The following ZNF730 variants were observed in gnomAD, a reference collection of about 807,000 sequenced individuals.
ZNF730 encodes the protein putative zinc finger protein 730.
In ZNF730, 12 loss-of-function variants were observed where a neutral mutation model predicts 12.6. That is an observed-to-expected ratio of 0.95 (90% CI 0.61 to 1.54). ZNF730 has a LOEUF of 1.54. Among genes scored for constraint, ZNF730 ranks in the 40% most tolerant of loss-of-function variants. The probability of loss-of-function intolerance (pLI) is 0.00; values close to 1 mark genes in which losing one functional copy is unlikely to be tolerated. For missense variants in ZNF730, 643 were observed against 583.5 expected (o/e 1.10, Z -1.05); for synonymous variants, 194 against 195.8 (o/e 0.99, Z 0.08).
rs1162199192 is a variant in ZNF730 at position 23,145,805 on chromosome 19, A to C, written c.761A>C (p.Lys254Thr). 1 of 1,591,842 alleles carries C rather than the reference A, an allele frequency of 6.3e-7. No individual in the cohort carries two copies. The change falls in exon 4 of 4, where the codon AAA becomes ACA. Residue 254 changes from lysine to threonine, a missense_variant. By Grantham distance (78) the Lys-to-Thr change is moderately conservative. Transcript: ENST00000597761. ...CATAAGAGAATTCATACTGGAGAAA[A>C]ACCCTACCAATGTGAGAAATGTGGC... ...TTHKRIHTGE[K>T]PYQCEKCGKF...
At chr19:23,110,632 C>A (rs1163831083) in intron 1 of ZNF730, among the ~76,000 whole-genome samples, 1 of 152,126 alleles carries the variant, frequency 6.6e-6, no homozygotes, top group Non-Finnish European at 1.5e-5. Context: ...AATTCTAATG[C>A]AGTTTCTCAA....
At chr19:23,144,479 T>C (rs1029490756) in intron 3 of ZNF730, among the ~76,000 whole-genome samples, 1 of 152,024 alleles carries the variant, frequency 6.6e-6, no homozygotes, top group Non-Finnish European at 1.5e-5. Flanking sequence ...GGTGGACATA[T>C]CACAAGGTCA....
chr19:23,093,279 C>T (rs1025132372), intron 1 of ZNF730, among the ~76,000 whole-genome samples: 2 of 152,182 alleles, frequency 1.3e-5, no homozygotes, highest in East Asian at 1.9e-4. Flanking sequence ...CCCAGCCTGT[C>T]GTTAATTTTT....
At chr19:23,116,721 T>C (rs1970531552), upstream of ZNF730, among the ~76,000 whole-genome samples, 1 of 152,112 alleles carries the variant, frequency 6.6e-6, no homozygotes, top group Non-Finnish European at 1.5e-5. Flanking sequence ...GCGCCCGGTC[T>C]ATGTTCTTTT....
chr19:23,145,540 A>T lies in ZNF730; in HGVS notation c.496A>T (p.Arg166Ter). The change falls in exon 4 of 4, where the codon AGA (arginine) becomes TGA (stop). Residue 166 changes from arginine to a stop codon, truncating the protein, a stop_gained. Transcript: ENST00000597761. LOFTEE classifies it low-confidence loss of function (END_TRUNC). ...KFSNSNRHKI[R>*]HTSKKPFKCK... ...TTCAAATTCAAACAGACATAAGATA[A>T]GACATACTTCGAAGAAACCTTTCAA... 1 of 1,555,578 alleles carries T rather than the reference A, an allele frequency of 6.4e-7. No homozygotes were observed. The highest frequency in any genetic ancestry group is 1.7e-4 in the Middle Eastern group (1 of 5,966).
chr19:23,109,576 A>AT (rs1357214940), intron 1 of ZNF730, among the ~76,000 whole-genome samples: 1 of 151,184 alleles, frequency 6.6e-6, no homozygotes, highest in African/African-American at 2.4e-5. Flanking sequence ...TAATTTTTGT[A>AT]TTTTTAGTAG....
At chr19:23,145,095 C>CT (rs1306502920) in intron 3 of ZNF730, among the ~76,000 whole-genome samples, 176 bp from the exon 4 acceptor site, 1 of 152,078 alleles carries the variant, frequency 6.6e-6, no homozygotes, top group Non-Finnish European at 1.5e-5. Context: ...ACTCAACTTA[C>CT]TTTTTTACAA....
intron 1 of ZNF730, among the ~76,000 whole-genome samples, chr19:23,131,832 CTTAG>C (rs1324019507): frequency 6.6e-6 from 1 of 152,170 alleles, no homozygotes; most frequent in East Asian, 1.9e-4. Context: ...AGAGGCAATG[CTTAG>C]TTAAATGGTT....
chr19:23,087,592 C>T lies in ZNF730; in HGVS notation c.-94+12205C>T, dbSNP rs182880334. Among the ~76,000 whole-genome samples, 552 of 151,354 alleles carry T rather than the reference C, an allele frequency of 3.6e-3. 5 individuals are homozygous for T. Among genetic ancestry groups the T allele is most frequent in the Non-Finnish European group, 5.8e-3 (395 of 67,862 alleles). On this transcript the variant is annotated intron_variant, in intron 1 of 2. Transcript: ENST00000593635. ...GATTTCCTCTTTTTCTATTTGAATG[C>T]CCTTTATTTTTCTTGTCTTTTCTTG...
At chr19:23,137,039 A>C (rs867829068) in intron 3 of ZNF730, among the ~76,000 whole-genome samples, 6 of 152,068 alleles carry the variant, frequency 3.9e-5, no homozygotes, top group Admixed American at 2.0e-4. Flanking sequence ...ACGTGGTGGC[A>C]GGCACCTGTA....
intron 1 of ZNF730, among the ~76,000 whole-genome samples, chr19:23,097,993 A>G (rs536546459): frequency 1.4e-4 from 22 of 152,150 alleles, no homozygotes; most frequent in African/African-American, 5.1e-4. Flanking sequence ...ACAAAGAAAA[A>G]AATAGCCGGG....
chr19:23,094,388 A>G (rs1042043317), intron 1 of ZNF730, among the ~76,000 whole-genome samples: 28 of 142,726 alleles, frequency 2.0e-4, no homozygotes, highest in Admixed American at 6.2e-4. Flanking sequence ...CTATCTATCT[A>G]TCTGTCTATC....
At position 23,146,872 on chromosome 19, in the gene ZNF730, A is replaced by G. The variant is rs918612790; in HGVS notation, c.*316A>G. The G allele has an allele frequency of 1.8e-5, 12 of 653,290 alleles. No homozygotes were observed. The highest frequency in any genetic ancestry group is 2.7e-5 in the Non-Finnish European group (10 of 370,914). The allele number at this position is 653,290 out of a possible 1,614,324, so 40.5% of individuals were successfully genotyped here. On this transcript the variant is annotated 3_prime_UTR_variant, in exon 4 of 4. Transcript: ENST00000597761. ...ATTCTTAACAGACATGATTCATACCAGAGAGAAACTCTACAAACCTGAAAG... is the reference window on the plus strand; with the variant it reads ...ATTCTTAACAGACATGATTCATACCGGAGAGAAACTCTACAAACCTGAAAG...
chr19:23,110,447 T>C (rs1970449003), intron 1 of ZNF730, among the ~76,000 whole-genome samples: 2 of 137,016 alleles, frequency 1.5e-5, no homozygotes, highest in African/African-American at 5.6e-5. Flanking sequence ...TGGCTAATTT[T>C]TGTATTTTTA....
intron 1 of ZNF730, among the ~76,000 whole-genome samples, chr19:23,090,833 C>T (rs528527571): frequency 1.6e-4 from 25 of 152,012 alleles, no homozygotes; most frequent in Non-Finnish European, 3.1e-4. Flanking sequence ...CCCATCTCTA[C>T]TAAAAATACA....
intron 3 of ZNF730, among the ~76,000 whole-genome samples, chr19:23,138,859 C>G (rs558469213): frequency 3.7e-4 from 56 of 152,182 alleles, no homozygotes; most frequent in Admixed American, 5.2e-4. Context: ...AGCCATGATG[C>G]CTGTTTCTCT....
In ZNF730 at chr19:23,146,916, C is replaced by T. The variant is rs1971024649; in HGVS notation, c.*360C>T. On this transcript the variant is annotated 3_prime_UTR_variant, in exon 4 of 4. Transcript: ENST00000597761. Reference sequence around the variant, plus strand: ...CTGAAAGTTTTAACAGTGCTTTTGACAACACCTCAAACTTTTCCAGATGTC... The same window carrying T: ...CTGAAAGTTTTAACAGTGCTTTTGATAACACCTCAAACTTTTCCAGATGTC... 1 of 474,854 alleles carries T rather than the reference C, an allele frequency of 2.1e-6. No individual in the cohort carries two copies. Among genetic ancestry groups the T allele is most frequent in the Non-Finnish European group, 3.9e-6 (1 of 259,466 alleles). 29.4% of individuals were successfully genotyped at this position (474,854 alleles called of 1,614,324 possible).
intron 3 of ZNF730, chr19:23,144,048 C>T (rs1034085609): frequency 1.3e-5 from 2 of 151,110 alleles, no homozygotes; most frequent in African/African-American, 4.9e-5. Flanking sequence ...TATTTTTGTT[C>T]TTATCTTCAT....
intron 1 of ZNF730, among the ~76,000 whole-genome samples, chr19:23,077,493 A>T: frequency 8.3e-6 from 1 of 121,042 alleles, no homozygotes; most frequent in Non-Finnish European, 1.6e-5. Context: ...GCTGGAGTGC[A>T]GTAGCAGTGT....
Sources: allele counts gnomAD v4.1 joint callset (sites outside exome capture counted in the v4.1 genomes callset), GRCh38; gene constraint gnomAD v4.1.1; transcripts MANE v1.5; gene names NCBI Gene and HGNC (gene_info 2026-07-23, HGNC 2026-07-21).